The following SPHKAP variants were observed in gnomAD, a reference collection of about 807,000 sequenced individuals.
SPHKAP encodes the protein SPHK1 interactor, AKAP domain containing.
A neutral mutation model predicts 137.5 loss-of-function variants in SPHKAP; 67 were observed. The ratio of observed to expected loss-of-function variants is 0.49; its 90% CI spans 0.40 to 0.60. The LOEUF (loss-of-function observed/expected upper bound fraction) is 0.60, where lower values mean the gene tolerates loss of function less well. SPHKAP is among the 20% of genes least tolerant of loss of function. The pLI is 0.00. For missense variants in SPHKAP, 2,097 were observed against 2,069.3 expected (o/e 1.01, Z -0.26); for synonymous variants, 813 against 785.3 (o/e 1.04, Z -0.59).
chr2:228,177,664 A>G (rs1161456206), intron 1 of SPHKAP, among the ~76,000 whole-genome samples: 1 of 152,164 alleles, frequency 6.6e-6, no homozygotes. Context: ...TGTTTGTTCC[A>G]TTTTAAAAAA....
At chr2:228,113,875 G>A (rs1482058915) in intron 2 of SPHKAP, among the ~76,000 whole-genome samples, 1 of 151,960 alleles carries the variant, frequency 6.6e-6, no homozygotes, top group African/African-American at 2.4e-5. Flanking sequence ...AGCCAAATAA[G>A]TAAAAGAGAA....
chr2:228,021,960 A>C lies in SPHKAP; in HGVS notation c.448T>G (p.Trp150Gly). The C allele has an allele frequency of 6.3e-7, 1 of 1,591,792 alleles. No homozygotes were observed. Among genetic ancestry groups the C allele is most frequent in the South Asian group, 1.1e-5 (1 of 87,364 alleles). ...TGGACCAAGCAGATATCTGGCAGCC[A>C]AGGGCACTAAAAGTGGAGAGAAAAG... ...QADFEVSQCP[W>G]LPDICLVQCA... Residue 150 changes from tryptophan (W) to glycine (G), a missense_variant, in exon 6 of 12, where the codon TGG becomes GGG. By Grantham distance (184) the Trp-to-Gly change is radical. Transcript: ENST00000392056.
At position 228,132,030 on chromosome 2, in the gene SPHKAP, AGCCTCTGCCCT is replaced by A; in HGVS notation, c.77_87del (p.Gln26LeufsTer16). ...CCCGGGCCGCTTCCTGAGCTGCCAC[AGCCTCTGCCCT>A]GCTGCGGTTCCAAAACGTCATACAT... On this transcript the variant is annotated frameshift_variant, in exon 2 of 12. Coordinates refer to ENST00000392056, the MANE Select transcript of SPHKAP (RefSeq NM_001142644.2). LOFTEE classifies it high-confidence loss of function. The A allele has an allele frequency of 6.2e-7, 1 of 1,614,150 alleles. No individual in the cohort carries two copies. The highest frequency in any genetic ancestry group is 8.5e-7 in the Non-Finnish European group (1 of 1,179,990).
At chr2:228,005,312 C>G (rs913009338) in intron 7 of SPHKAP, among the ~76,000 whole-genome samples, 1 of 151,916 alleles carries the variant, frequency 6.6e-6, no homozygotes, top group Non-Finnish European at 1.5e-5. Flanking sequence ...TATGTAATGG[C>G]CTTCGTCTCT....
At chr2:228,113,402 G>A (rs1574860641) in intron 2 of SPHKAP, among the ~76,000 whole-genome samples, 2 of 152,142 alleles carry the variant, frequency 1.3e-5, no homozygotes, top group South Asian at 4.1e-4. Flanking sequence ...CATCCTAAGT[G>A]CCCGATAGGC....
At chr2:228,174,266 C>A (rs181075633) in intron 1 of SPHKAP, among the ~76,000 whole-genome samples, 1 of 151,502 alleles carries the variant, frequency 6.6e-6, no homozygotes, top group Non-Finnish European at 1.5e-5. Flanking sequence ...AAAGTGATAT[C>A]TTGAGATTAC....
intron 3 of SPHKAP, among the ~76,000 whole-genome samples, chr2:228,070,819 G>A (rs187469102): frequency 4.0e-5 from 6 of 151,890 alleles, no homozygotes; most frequent in East Asian, 1.9e-4. Flanking sequence ...CCTTTCCATC[G>A]CATACCGTGT....
chr2:227,981,774 A>G lies in SPHKAP; in HGVS notation c.5046T>C (p.His1682=). Residue 1682 remains histidine, a synonymous_variant, in exon 12 of 12, where the codon CAT becomes CAC. Coordinates refer to ENST00000392056, the MANE Select transcript of SPHKAP (RefSeq NM_001142644.2). The part of the protein sequence containing the change: ...FHAVVQYCKM[H]EEQKDGRLSL... Reference sequence around the variant, plus strand: ...TCAGTCTCCCATCCTTCTGCTCCTCATGCATTTTGCAGTACTGGACAACTG... The same window carrying G: ...TCAGTCTCCCATCCTTCTGCTCCTCGTGCATTTTGCAGTACTGGACAACTG... 6.2e-7 allele frequency: 1 copy of G among 1,613,888 alleles called. No homozygotes were observed. The highest frequency in any genetic ancestry group is 8.5e-7 in the Non-Finnish European group (1 of 1,179,830).
chr2:228,073,305 A>G (rs1697061394), intron 3 of SPHKAP, among the ~76,000 whole-genome samples: 1 of 152,228 alleles, frequency 6.6e-6, no homozygotes, highest in African/African-American at 2.4e-5. Context: ...GTTGGTTCAT[A>G]CAATTCCAGA....
At chr2:228,133,705 T>C (rs1396701180) in intron 1 of SPHKAP, among the ~76,000 whole-genome samples, 1 of 152,180 alleles carries the variant, frequency 6.6e-6, no homozygotes, top group Non-Finnish European at 1.5e-5. Context: ...AATAAACAAT[T>C]TATTTCTAAC....
chr2:227,991,989 T>C (rs2106162632), intron 9 of SPHKAP, among the ~76,000 whole-genome samples: 1 of 152,228 alleles, frequency 6.6e-6, no homozygotes, highest in Non-Finnish European at 1.5e-5. Flanking sequence ...TTAGATATGG[T>C]AGAGTTTAAT....
chr2:228,150,655 G>A (rs1274790524), intron 1 of SPHKAP, among the ~76,000 whole-genome samples: 1 of 150,686 alleles, frequency 6.6e-6, no homozygotes, highest in Admixed American at 6.6e-5. Context: ...TGTTTTATGG[G>A]CTTCTACCCC....
At chr2:228,119,831 G>A (rs1212449972) in intron 2 of SPHKAP, among the ~76,000 whole-genome samples, 1 of 152,012 alleles carries the variant, frequency 6.6e-6, no homozygotes, top group Non-Finnish European at 1.5e-5. Context: ...GATTTTATTG[G>A]ATGACTGCCT....
rs1252879378 is a variant in SPHKAP at position 228,154,508 on chromosome 2, CTCTCTATATA to C, written c.33-22433_33-22424del. On this transcript the variant is annotated intron_variant, in intron 1 of 11. Coordinates refer to ENST00000392056, the MANE Select transcript of SPHKAP (RefSeq NM_001142644.2). ...TCTCTCTCTCTCTCTCTCTCTCTCT[CTCTCTATATA>C]TATATATATATATATTTTTTTTTTT... Among the ~76,000 whole-genome samples, 6 of 34,574 alleles carry C rather than the reference CTCTCTATATA, an allele frequency of 1.7e-4. No individual in the cohort carries two copies. The East Asian group carries it at 4.9e-3, about 28-fold the overall frequency. 22.7% of individuals were successfully genotyped at this position (34,574 alleles called of 152,430 possible). A position where few individuals can be genotyped will look rare whatever the true frequency, so the allele number is the denominator to read the frequency against.
In SPHKAP at chr2:228,047,478, A is replaced by AC. The variant is rs1402393818; in HGVS notation, c.247-19936_247-19935insG. Among the ~76,000 whole-genome samples, 192 of 150,928 alleles carry AC rather than the reference A, an allele frequency of 1.3e-3. 1 individual carries two copies. The highest frequency in any genetic ancestry group is 0.012 in the East Asian group (63 of 5,118). The stretch of plus-strand genomic sequence containing the variant: ...CAAAACTCCATCTCAAAAAAAAAAA[A>AC]AAAACAAAAAACAACCTGGTTCAAC... On this transcript the variant is annotated intron_variant, in intron 3 of 11. Transcript: ENST00000392056.
intron 3 of SPHKAP, among the ~76,000 whole-genome samples, chr2:228,043,603 G>A (rs1239898923): frequency 3.3e-5 from 5 of 152,026 alleles, no homozygotes; most frequent in African/African-American, 7.2e-5. Flanking sequence ...CTGGGATTAC[G>A]GGTGTGAGCC....
chr2:227,987,767 T>C lies in SPHKAP; in HGVS notation c.4959+3233A>G, dbSNP rs573883197. On this transcript the variant is annotated intron_variant, in intron 11 of 11. Coordinates refer to ENST00000392056, the MANE Select transcript of SPHKAP (RefSeq NM_001142644.2). ...GATGAGCTGTTTCATTATGAATTCC[T>C]GAGACCCTGTTCCCTAGCACATACC... Among the ~76,000 whole-genome samples, 17 of 152,306 alleles carry C rather than the reference T, an allele frequency of 1.1e-4. No individual in the cohort carries two copies. The East Asian group carries it at 1.5e-3, about 14-fold the overall frequency.
At chr2:228,076,469 T>C (rs1444923509) in intron 3 of SPHKAP, among the ~76,000 whole-genome samples, 1 of 152,188 alleles carries the variant, frequency 6.6e-6, no homozygotes, top group Non-Finnish European at 1.5e-5. Flanking sequence ...ACATGGACAA[T>C]GAAATCCAGG....
intron 3 of SPHKAP, among the ~76,000 whole-genome samples, chr2:228,058,009 T>C (rs551366171): frequency 6.6e-6 from 1 of 152,284 alleles, no homozygotes; most frequent in East Asian, 1.9e-4. Context: ...CCTGTCCCCA[T>C]CCCCAACAAC....
Sources: gnomAD v4.1 joint callset for allele counts (sites outside exome capture counted in the v4.1 genomes callset) on GRCh38, gnomAD v4.1.1 for gene constraint, MANE v1.5 for transcripts, NCBI Gene and HGNC (gene_info 2026-07-23, HGNC 2026-07-21) for gene names.